Variants in LRRC4C observed in about 807,000 individuals in gnomAD.
The protein encoded by LRRC4C is leucine-rich repeat-containing protein 4C.
A neutral mutation model predicts 33.6 loss-of-function variants in LRRC4C; 5 were observed. The ratio of observed to expected loss-of-function variants is 0.15; its 90% confidence interval spans 0.08 to 0.31. The LOEUF (loss-of-function observed/expected upper bound fraction) is 0.31. Ranked by LOEUF, LRRC4C falls within the 10% of genes least tolerant of loss-of-function variation. The probability of loss-of-function intolerance (pLI) is 1.00; values close to 1 mark genes in which losing one functional copy is unlikely to be tolerated. For missense variants in LRRC4C, 560 were observed against 796.7 expected, an observed-to-expected ratio of 0.70 and a Z score of 3.58; for synonymous variants, 329 against 302.0, an observed-to-expected ratio of 1.09 and a Z score of -0.93.
At chr11:41,408,761 A>C (rs561925471) in intron 1 of LRRC4C, among the ~76,000 whole-genome samples, 11 of 142,860 alleles carry the variant, frequency 7.7e-5, no homozygotes, top group South Asian at 2.1e-4. Flanking sequence ...AAAAAAAAAA[A>C]AAAAAACTGA....
At chr11:40,785,265 T>C (rs1376462902) in intron 2 of LRRC4C, among the ~76,000 whole-genome samples, 1 of 152,192 alleles carries the variant, frequency 6.6e-6, no homozygotes, top group East Asian at 1.9e-4. Context: ...AAACTGGGTG[T>C]GTATTTCAGT....
At chr11:41,110,148 T>A (rs1941746554) in intron 1 of LRRC4C, among the ~76,000 whole-genome samples, 1 of 152,030 alleles carries the variant, frequency 6.6e-6, no homozygotes, top group South Asian at 2.1e-4. Context: ...GAATTAGACT[T>A]TCTGGCTTCA....
intron 2 of LRRC4C, among the ~76,000 whole-genome samples, chr11:40,916,540 C>A (rs1342170908): frequency 6.6e-6 from 1 of 151,862 alleles, no homozygotes; most frequent in African/African-American, 2.4e-5. Context: ...CACAGCGGGG[C>A]CTGTTGTGGG....
intron 1 of LRRC4C, among the ~76,000 whole-genome samples, chr11:41,294,750 C>T (rs1178189932): frequency 1.3e-5 from 2 of 152,040 alleles, no homozygotes; most frequent in African/African-American, 2.4e-5. Context: ...CATAATGTAT[C>T]CCAATAAAAC....
chr11:40,721,743 G>A (rs1947026612), intron 2 of LRRC4C, among the ~76,000 whole-genome samples: 1 of 151,864 alleles, frequency 6.6e-6, no homozygotes, highest in African/African-American at 2.4e-5. Flanking sequence ...GAGGTCAGGA[G>A]ATGGAGACCA....
At chr11:41,081,658 T>A (rs998631283) in intron 1 of LRRC4C, among the ~76,000 whole-genome samples, 15 of 152,142 alleles carry the variant, frequency 9.9e-5, no homozygotes, top group Non-Finnish European at 1.9e-4. Flanking sequence ...TCCAATATTT[T>A]TCTTAAAGTT....
chr11:40,442,297 G>T (rs1168627265), intron 3 of LRRC4C, among the ~76,000 whole-genome samples: 2 of 151,714 alleles, frequency 1.3e-5, no homozygotes, highest in African/African-American at 4.8e-5. Context: ...AAGTTCTTAG[G>T]CAAGTTTTGT....
In LRRC4C at chr11:41,279,381, A is replaced by AACACACACACAC. The variant is rs575973002; in HGVS notation, c.-496+180038_-496+180049dup. On this transcript the variant is annotated intron_variant, in intron 1 of 6. Coordinates refer to ENST00000528697, the MANE Select transcript of LRRC4C (RefSeq NM_001258419.2). ...CCATCCCATCACATACACACACACA[A>AACACACACACAC]ACACACACACACACACACACACACA... 1.5e-3 allele frequency among the ~76,000 whole-genome samples: 184 copies of AACACACACACAC among 126,450 alleles called. 5 individuals carry two copies. Among genetic ancestry groups the AACACACACACAC allele is most frequent in the East Asian group, 0.012 (43 of 3,442 alleles). 83.0% of individuals were successfully genotyped at this position (126,450 alleles called of 152,430 possible). A position where few individuals can be genotyped will look rare whatever the true frequency, so the allele number is the denominator to read the frequency against.
Position 40,132,945 on chromosome 11 carries a change from C to T in LRRC4C, c.-43+7856G>A, listed in dbSNP as rs112880413. Among the ~76,000 whole-genome samples the T allele has an allele frequency of 3.3e-4, 50 of 152,048 alleles. 1 individual carries two copies. Among genetic ancestry groups the T allele is most frequent in the African/African-American group, 1.2e-3 (48 of 41,474 alleles). ...TCAAAATATGTAGAAAATTATTTTC[C>T]ATATATATTTTGTTTTCATCTAGGT... On this transcript the variant is annotated intron_variant, in intron 6 of 6. Coordinates refer to ENST00000528697, the MANE Select transcript of LRRC4C (RefSeq NM_001258419.2).
At chr11:41,348,802 A>G (rs1462931550) in intron 1 of LRRC4C, among the ~76,000 whole-genome samples, 1 of 152,156 alleles carries the variant, frequency 6.6e-6, no homozygotes, top group Non-Finnish European at 1.5e-5. Context: ...GGAGTGGCCC[A>G]CTATTACCAC....
At chr11:40,732,269 A>T (rs1947625229) in intron 2 of LRRC4C, among the ~76,000 whole-genome samples, 1 of 152,146 alleles carries the variant, frequency 6.6e-6, no homozygotes, top group Non-Finnish European at 1.5e-5. Flanking sequence ...GCTAACTCAA[A>T]TTGTAGCTTA....
At chr11:40,993,197 G>C (rs1243753341) in intron 1 of LRRC4C, among the ~76,000 whole-genome samples, 7 of 151,988 alleles carry the variant, frequency 4.6e-5, no homozygotes, top group Non-Finnish European at 1.0e-4. Context: ...TCTTAAATGG[G>C]CTATTGAGGG....
chr11:41,337,688 A>G (rs1360841123), intron 1 of LRRC4C, among the ~76,000 whole-genome samples: 7 of 152,170 alleles, frequency 4.6e-5, no homozygotes, highest in African/African-American at 1.7e-4. Context: ...TTAAAAAATG[A>G]GATCTGATTA....
chr11:40,309,239 T>G (rs1945185746), intron 4 of LRRC4C, among the ~76,000 whole-genome samples: 1 of 152,218 alleles, frequency 6.6e-6, no homozygotes, highest in South Asian at 2.1e-4. Flanking sequence ...TTGCTTATTG[T>G]ATATTCAAAT....
intron 3 of LRRC4C, among the ~76,000 whole-genome samples, chr11:40,517,971 T>A (rs1028837770): frequency 2.6e-5 from 4 of 152,122 alleles, no homozygotes; most frequent in African/African-American, 9.7e-5. Flanking sequence ...TCTACAATCA[T>A]CTGATCTTTG....
intron 1 of LRRC4C, among the ~76,000 whole-genome samples, chr11:41,233,586 A>G (rs1160560626): frequency 6.6e-6 from 1 of 152,056 alleles, no homozygotes; most frequent in African/African-American, 2.4e-5. Flanking sequence ...TTATTTCTAG[A>G]TTACATGGCT....
intron 2 of LRRC4C, among the ~76,000 whole-genome samples, chr11:40,657,398 G>T (rs1290907930): frequency 6.6e-6 from 1 of 152,174 alleles, no homozygotes; most frequent in Admixed American, 6.5e-5. Flanking sequence ...TCTCTGTAGG[G>T]CATGAAAGGA....
At chr11:40,442,992 CTAATATA>C (rs1282350011) in intron 3 of LRRC4C, among the ~76,000 whole-genome samples, 1 of 152,148 alleles carries the variant, frequency 6.6e-6, no homozygotes, top group Non-Finnish European at 1.5e-5. Flanking sequence ...TTCAAAAACT[CTAATATA>C]TAATTCCTAT....
At chr11:40,602,993 A>G (rs1960182228) in intron 3 of LRRC4C, among the ~76,000 whole-genome samples, 1 of 152,176 alleles carries the variant, frequency 6.6e-6, no homozygotes, top group Non-Finnish European at 1.5e-5. Context: ...GAATTCTTAA[A>G]AAGACAAGGA....
Sources: gnomAD v4.1 joint callset for allele counts (sites outside exome capture counted in the v4.1 genomes callset) on GRCh38, gnomAD v4.1.1 for gene constraint, MANE v1.5 for transcripts, NCBI Gene and HGNC (gene_info 2026-07-23, HGNC 2026-07-21) for gene names.